The following RPS7 variants were observed in gnomAD, a reference collection of about 807,000 sequenced individuals.
RPS7 encodes ribosomal protein S7, also known as small ribosomal subunit protein eS7.
RPS7 carries 1 observed loss-of-function variant against 22.1 expected under a neutral mutation model. The ratio of observed to expected loss-of-function variants is 0.05; its 90% confidence interval spans 0.02 to 0.21. The LOEUF is 0.21. Among genes scored for constraint, RPS7 ranks in the 10% least tolerant of loss-of-function variants. The pLI, the probability that RPS7 is intolerant of heterozygous loss-of-function variation, is 1.00. For missense variants in RPS7, 137 were observed against 246.4 expected (o/e 0.56, Z 2.97); for synonymous variants, 80 against 92.0 (o/e 0.87, Z 0.74).
At chr2:3,579,022 C>T (rs1192282332) in intron 5 of RPS7, 5 of 152,172 alleles carry the variant, frequency 3.3e-5, no homozygotes, top group African/African-American at 1.2e-4. Flanking sequence ...CTTTATCTAA[C>T]TCAGGTTAAA....
In RPS7 at chr2:3,575,995, C is replaced by T. The variant is rs1661268924; in HGVS notation, c.147+107C>T. 4.8e-6 allele frequency: 4 copies of T among 833,816 alleles called. 1 individual carries two copies. The highest frequency in any genetic ancestry group is 8.1e-6 in the Non-Finnish European group (4 of 494,958). The allele number at this position is 833,816 out of a possible 1,614,324, so 51.7% of individuals were successfully genotyped here. A position where few individuals can be genotyped will look rare whatever the true frequency, so the allele number is the denominator to read the frequency against. Reference sequence around the variant, plus strand: ...CGGTTGATGATGACTTGCCGCCTGGCCGCCTAACCTGAACTCAGGTTCGGC... The same window carrying T: ...CGGTTGATGATGACTTGCCGCCTGGTCGCCTAACCTGAACTCAGGTTCGGC... On this transcript the variant is annotated intron_variant, in intron 3 of 6. Coordinates refer to ENST00000645674, the MANE Select transcript of RPS7 (RefSeq NM_001011.4).
intron 5 of RPS7, chr2:3,578,776 T>A (rs1477084303): frequency 6.6e-6 from 1 of 152,146 alleles, no homozygotes; most frequent in Non-Finnish European, 1.5e-5. Flanking sequence ...AGTTAGGAAA[T>A]GAGTATAAGA....
chr2:3,577,586 AG>A, intron 4 of RPS7, 123 bp from the exon 5 acceptor site: 1 of 718,642 alleles, frequency 1.4e-6, no homozygotes, highest in Non-Finnish European at 2.5e-6. Context: ...TAAGTTGTTT[AG>A]CCTTCTCGAA....
At chr2:3,576,964 T>A (rs944984756) in intron 4 of RPS7, 1 of 343,972 alleles carries the variant, frequency 2.9e-6, no homozygotes, top group Admixed American at 4.4e-5. Context: ...ACTGCTGTGT[T>A]TTGAGTTATG....
chr2:3,575,764 C>T lies in RPS7; in HGVS notation c.76-53C>T, dbSNP rs575140951. The T allele has an allele frequency of 2.0e-4, 319 of 1,595,716 alleles. 1 individual carries two copies. The African/African-American group carries it at 2.6e-3, about 13-fold the overall frequency. On this transcript the variant is annotated intron_variant, in intron 2 of 6. Coordinates refer to ENST00000645674, the MANE Select transcript of RPS7 (RefSeq NM_001011.4). ...GAGGCGGCCGCGCGTGTGTTGGGCC[C>T]GGGGTGCTCGGACGCGCGCTCAGGG...
At chr2:3,576,413 C>A (rs1558472345) in intron 3 of RPS7, 74 bp from the exon 4 acceptor site, 2 of 1,359,796 alleles carry the variant, frequency 1.5e-6, no homozygotes, top group Non-Finnish European at 2.1e-6. Flanking sequence ...ATAAGGTCTT[C>A]TTATCCTCTA....
At position 3,575,801 on chromosome 2, in the gene RPS7, G is replaced by A. The variant is rs767920442; in HGVS notation, c.76-16G>A. ...ACGCGCGCTCAGGGTCGGTCCTGCT[G>A]TTCGTTGCTTCTTAGGCTCTTCTGG... On this transcript the variant is annotated splice_polypyrimidine_tract_variant and intron_variant, in intron 2 of 6. Transcript: ENST00000645674. 6.2e-7 allele frequency: 1 copy of A among 1,611,582 alleles called. No homozygotes were observed. Among genetic ancestry groups the A allele is most frequent in the East Asian group, 2.2e-5 (1 of 44,858 alleles).
chr2:3,577,374 T>C (rs1661304266), intron 4 of RPS7: 1 of 266,446 alleles, frequency 3.8e-6, no homozygotes, highest in South Asian at 4.9e-5. Context: ...GATGGGGGAT[T>C]GGTGCAAACT....
chr2:3,577,712 G>A lies in RPS7; in HGVS notation c.294G>A (p.Arg98=), dbSNP rs1360064210. 1 of 1,609,822 alleles carries A rather than the reference G, an allele frequency of 6.2e-7. No individual in the cohort carries two copies. Among genetic ancestry groups the A allele is most frequent in the Non-Finnish European group, 8.5e-7 (1 of 1,176,602 alleles). ...ACATGATAATTTTTACCTTACAGAG[G>A]AGAATTCTGCCTAAGCCAACTCGAA... ...SGKHVVFIAQ[R]RILPKPTRKS... Residue 98 remains arginine, a splice_region_variant and synonymous_variant, in exon 5 of 7, where the codon AGG becomes AGA. Coordinates refer to ENST00000645674, the MANE Select transcript of RPS7 (RefSeq NM_001011.4).
In RPS7 at chr2:3,579,725, T is replaced by C. The variant is rs552421464; in HGVS notation, c.357-385T>C. 1.9e-4 allele frequency: 56 copies of C among 291,184 alleles called. 1 individual carries two copies. In the South Asian group the frequency reaches 2.1e-3, roughly 11 times the overall value. The allele number at this position is 291,184 out of a possible 1,614,324, so 18.0% of individuals were successfully genotyped here. Reference sequence around the variant, plus strand: ...TCTTGACATTGGAAGGGGGTGGTTTTGGAGATGAGCAAGAGTGTTAAAGGT... The same window carrying C: ...TCTTGACATTGGAAGGGGGTGGTTTCGGAGATGAGCAAGAGTGTTAAAGGT... On this transcript the variant is annotated intron_variant, in intron 5 of 6. Transcript: ENST00000645674.
Position 3,580,090 on chromosome 2 carries a change from C to G in RPS7, c.357-20C>G, listed in dbSNP as rs758993781. ...GGGCAGGCGTTGCTAGGTTGCTTAC[C>G]TTTTAAACTATTCTTTTAGCCGTAC... On this transcript the variant is annotated intron_variant, in intron 5 of 6. Coordinates refer to ENST00000645674, the MANE Select transcript of RPS7 (RefSeq NM_001011.4). The G allele has an allele frequency of 8.7e-6, 14 of 1,613,386 alleles. No individual in the cohort carries two copies. The highest frequency in any genetic ancestry group is 1.0e-5 in the Non-Finnish European group (12 of 1,179,634).
chr2:3,576,144 G>T lies in RPS7; in HGVS notation c.147+256G>T, dbSNP rs550461162. ...GTAGGGAGGGCCTGGGCCCATTTCG[G>T]ACCTTATTTGCCCTTACTTAGTTAT... On this transcript the variant is annotated intron_variant, in intron 3 of 6. Coordinates refer to ENST00000645674, the MANE Select transcript of RPS7 (RefSeq NM_001011.4). 14 of 600,038 alleles carry T rather than the reference G, an allele frequency of 2.3e-5. No individual in the cohort carries two copies. The African/African-American group carries it at 2.6e-4, about 11-fold the overall frequency. 37.2% of individuals were successfully genotyped at this position (600,038 alleles called of 1,614,324 possible).
rs1572357469 is a variant in RPS7 at position 3,575,347 on chromosome 2, C to T, written c.-22C>T. The T allele has an allele frequency of 2.4e-5, 13 of 537,638 alleles. No homozygotes were observed. In the East Asian group the frequency reaches 3.9e-4, roughly 16 times the overall value. 33.3% of individuals were successfully genotyped at this position (537,638 alleles called of 1,614,324 possible). ...GGTCTCTTCCTAAGCCGGCGCTCGG[C>T]AAGGTAGGTTGGCGGCCTGCTCTCC... On this transcript the variant is annotated 5_prime_UTR_variant, in exon 1 of 7. Transcript: ENST00000645674.
chr2:3,577,012 T>A, intron 4 of RPS7: 1 of 312,920 alleles, frequency 3.2e-6, no homozygotes, highest in East Asian at 8.5e-5. Context: ...ACAAGTCTAG[T>A]GGGTTGCTTA....
intron 6 of RPS7, 111 bp downstream of exon 6, chr2:3,580,371 A>C: frequency 1.0e-6 from 1 of 956,780 alleles, no homozygotes; most frequent in East Asian, 2.5e-5. Flanking sequence ...ACTCAGGACT[A>C]GTTCTTTTAC....
rs1661359445 is a variant in RPS7, at chr2:3,579,799, A to C, written c.357-311A>C. 17 of 465,142 alleles carry C rather than the reference A, an allele frequency of 3.7e-5. No individual in the cohort carries two copies. The South Asian group carries it at 3.9e-4, about 11-fold the overall frequency. 28.8% of individuals were successfully genotyped at this position (465,142 alleles called of 1,614,324 possible). A position where few individuals can be genotyped will look rare whatever the true frequency, so the allele number is the denominator to read the frequency against. ...ATAATACAAGTGAAAATAAAGATGT[A>C]TAAAAGTCCTCTAATCTCACATTCC... On this transcript the variant is annotated intron_variant, in intron 5 of 6. Coordinates refer to ENST00000645674, the MANE Select transcript of RPS7 (RefSeq NM_001011.4).
At chr2:3,580,550 A>G (rs1661381698) in intron 6 of RPS7, 2 of 624,436 alleles carry the variant, frequency 3.2e-6, no homozygotes, top group Non-Finnish European at 2.8e-6. Flanking sequence ...TGATGGGATC[A>G]GTGTCTTGGG....
At chr2:3,578,195 C>T (rs970889977) in intron 5 of RPS7, 4 of 164,412 alleles carry the variant, frequency 2.4e-5, no homozygotes, top group Non-Finnish European at 5.3e-5. Flanking sequence ...TAAAATATCA[C>T]TGCAGTTGAA....
At chr2:3,578,446 C>T (rs1053786067) in intron 5 of RPS7, 1 of 152,034 alleles carries the variant, frequency 6.6e-6, no homozygotes, top group Non-Finnish European at 1.5e-5. Context: ...TGTATTGTTA[C>T]TCTCAGTGGA....
Sources: allele counts gnomAD v4.1 joint callset, GRCh38; gene constraint gnomAD v4.1.1; transcripts MANE v1.5; gene names NCBI Gene and HGNC (gene_info 2026-07-23, HGNC 2026-07-21).